TTC28: variants seen among roughly 807,000 people sequenced by gnomAD.
The protein encoded by TTC28 is tetratricopeptide repeat protein 28.
In TTC28, 61 loss-of-function variants were observed where a neutral mutation model predicts 198.0. The ratio of observed to expected loss-of-function variants is 0.31; its 90% CI spans 0.25 to 0.38. The LOEUF is 0.38. TTC28 is among the 10% of genes least tolerant of loss of function. The pLI is 1.00. For missense variants in TTC28, 2,678 were observed against 3,164.0 expected, an observed-to-expected ratio of 0.85 and a Z score of 3.69; for synonymous variants, 1,171 against 1,297.8, an observed-to-expected ratio of 0.90 and a Z score of 2.10.
At chr22:28,620,508 T>C (rs2050977784) in intron 2 of TTC28, among the ~76,000 whole-genome samples, 1 of 152,160 alleles carries the variant, frequency 6.6e-6, no homozygotes, top group Admixed American at 6.5e-5. Context: ...AAAGCAGAGC[T>C]TTCAATGGAA....
intron 2 of TTC28, among the ~76,000 whole-genome samples, chr22:28,521,547 C>T (rs1041856825): frequency 6.6e-6 from 1 of 152,170 alleles, no homozygotes; most frequent in African/African-American, 2.4e-5. Flanking sequence ...TCTCTTGGGG[C>T]ATTGCTGATT....
intron 2 of TTC28, among the ~76,000 whole-genome samples, chr22:28,458,928 G>A (rs999120502): frequency 6.6e-6 from 1 of 151,464 alleles, no homozygotes; most frequent in Non-Finnish European, 1.5e-5. Flanking sequence ...ATATCAATGT[G>A]CTCTAGTTTT....
intron 2 of TTC28, among the ~76,000 whole-genome samples, chr22:28,402,974 C>G (rs140083580): frequency 6.6e-5 from 10 of 152,284 alleles, no homozygotes; most frequent in East Asian, 3.9e-4. Flanking sequence ...ACTCTTGGGT[C>G]AGAAATCAGC....
At chr22:28,480,163 T>C (rs1164706368) in intron 2 of TTC28, among the ~76,000 whole-genome samples, 1 of 152,160 alleles carries the variant, frequency 6.6e-6, no homozygotes, top group Non-Finnish European at 1.5e-5. Flanking sequence ...AATGGCTATA[T>C]AAGAGAAACA....
intron 5 of TTC28, among the ~76,000 whole-genome samples, chr22:28,254,536 C>T (rs1930751216): frequency 6.6e-6 from 1 of 151,350 alleles, no homozygotes; most frequent in Admixed American, 6.6e-5. Context: ...AAAAGAATTC[C>T]TGGGATTTGA....
chr22:28,276,139 G>A (rs556742324), intron 5 of TTC28, among the ~76,000 whole-genome samples: 1 of 151,898 alleles, frequency 6.6e-6, no homozygotes, highest in African/African-American at 2.4e-5. Context: ...AGCCTCCCGA[G>A]TAGCTGGGAT....
At chr22:28,169,060 A>T (rs1408209621) in intron 5 of TTC28, among the ~76,000 whole-genome samples, 3 of 152,240 alleles carry the variant, frequency 2.0e-5, no homozygotes, top group African/African-American at 7.2e-5. Context: ...CAGCCAAAAA[A>T]CACATGAAAA....
At chr22:28,491,974 G>A (rs2048386421) in intron 2 of TTC28, among the ~76,000 whole-genome samples, 1 of 152,102 alleles carries the variant, frequency 6.6e-6, no homozygotes, top group East Asian at 1.9e-4. Context: ...CATGGATGAA[G>A]CTGGAAACCA....
intron 2 of TTC28, among the ~76,000 whole-genome samples, chr22:28,590,062 A>T (rs894624986): frequency 7.2e-6 from 1 of 139,512 alleles, no homozygotes; most frequent in African/African-American, 2.7e-5. Context: ...AAAAAAAAAA[A>T]CACAGAAAAC....
chr22:28,046,518 A>C lies in TTC28; in HGVS notation c.3933-16152T>G, dbSNP rs1386265463. 2.0e-5 allele frequency among the ~76,000 whole-genome samples: 3 copies of C among 152,242 alleles called. No individual in the cohort carries two copies. In the South Asian group the frequency reaches 6.2e-4, roughly 31 times the overall value. The stretch of plus-strand genomic sequence containing the variant: ...TCTCTTAGGATCACCATTGTGTATG[A>C]CATTGTTGACCAAAACGTCATTATG... On this transcript the variant is annotated intron_variant, in intron 12 of 22. Coordinates refer to ENST00000397906, the MANE Select transcript of TTC28 (RefSeq NM_001145418.2).
rs1036152709 is a variant in TTC28, at chr22:28,482,429, C to T, written c.381+147123G>A. Reference sequence around the variant, plus strand: ...TTCCCCGTGTTAGCCAGGATGGTCTCGATCTCCTGACCTCGTGATCCACCC... The same window carrying T: ...TTCCCCGTGTTAGCCAGGATGGTCTTGATCTCCTGACCTCGTGATCCACCC... On this transcript the variant is annotated intron_variant, in intron 2 of 22. Coordinates refer to ENST00000397906, the MANE Select transcript of TTC28 (RefSeq NM_001145418.2). Among the ~76,000 whole-genome samples, 4 of 151,690 alleles carry T rather than the reference C, an allele frequency of 2.6e-5. No homozygotes were observed. In the East Asian group the frequency reaches 5.8e-4, roughly 22 times the overall value.
intron 6 of TTC28, among the ~76,000 whole-genome samples, chr22:28,143,237 C>T (rs900703969): frequency 6.6e-6 from 1 of 152,008 alleles, no homozygotes; most frequent in African/African-American, 2.4e-5. Flanking sequence ...GGAAGAATGA[C>T]AGAATGAATG....
intron 12 of TTC28, among the ~76,000 whole-genome samples, chr22:28,045,319 G>A (rs779494745): frequency 2.6e-5 from 4 of 152,152 alleles, no homozygotes; most frequent in Non-Finnish European, 4.4e-5. Context: ...CATTTCCTCT[G>A]AGCATCATGT....
chr22:28,305,474 A>G (rs1238772013), intron 3 of TTC28, among the ~76,000 whole-genome samples: 1 of 152,208 alleles, frequency 6.6e-6, no homozygotes, highest in Admixed American at 6.5e-5. Flanking sequence ...TAGTTTATCA[A>G]ACTTTTATTT....
intron 2 of TTC28, among the ~76,000 whole-genome samples, chr22:28,588,588 T>C (rs1387565858): frequency 6.6e-6 from 1 of 152,204 alleles, no homozygotes; most frequent in Non-Finnish European, 1.5e-5. Flanking sequence ...CTAAAATTTA[T>C]ATCAAATCAC....
chr22:28,169,839 A>C (rs1283817056), intron 5 of TTC28, among the ~76,000 whole-genome samples: 2 of 151,878 alleles, frequency 1.3e-5, no homozygotes, highest in South Asian at 4.1e-4. Flanking sequence ...AATAAAATAA[A>C]ATAAAATAAA....
At chr22:28,414,602 T>C (rs1258656136) in intron 2 of TTC28, among the ~76,000 whole-genome samples, 1 of 152,054 alleles carries the variant, frequency 6.6e-6, no homozygotes, top group Non-Finnish European at 1.5e-5. Flanking sequence ...CAGAAAGAAG[T>C]ATCTCAAAAC....
intron 16 of TTC28, chr22:27,998,105 C>T (rs1216765887): frequency 5.0e-6 from 1 of 200,572 alleles, no homozygotes; most frequent in Non-Finnish European, 1.0e-5. Flanking sequence ...GGTGTCATCG[C>T]ACCACCATCA....
chr22:28,408,750 C>A (rs1252982307), intron 2 of TTC28, among the ~76,000 whole-genome samples: 2 of 152,214 alleles, frequency 1.3e-5, no homozygotes, highest in Non-Finnish European at 2.9e-5. Flanking sequence ...CTTACAATGA[C>A]TACAGGCCAC....
Sources: gnomAD v4.1 joint callset for allele counts (sites outside exome capture counted in the v4.1 genomes callset) on GRCh38, gnomAD v4.1.1 for gene constraint, MANE v1.5 for transcripts, NCBI Gene and HGNC (gene_info 2026-07-23, HGNC 2026-07-21) for gene names.